Variants in EXOSC4 observed in about 807,000 individuals in gnomAD.
EXOSC4 encodes exosome complex component RRP41.
Under a neutral mutation model 20.0 loss-of-function variants are expected in EXOSC4, and 14 were observed. That is an observed-to-expected ratio of 0.70 (90% confidence interval 0.46 to 1.09). EXOSC4 has a LOEUF of 1.09. Among genes scored for constraint, EXOSC4 ranks in the 50% least tolerant of loss-of-function variants. The pLI is 0.00. For synonymous variants in EXOSC4, 148 were observed against 146.4 expected, an observed-to-expected ratio of 1.01 and a Z score of -0.08; for missense variants, 337 against 334.0, an observed-to-expected ratio of 1.01 and a Z score of -0.07.
At chr8:144,072,410 ACCTCAAATGATCTGCCCGTCTCAG>A in the EXOSC4 span, among the ~76,000 whole-genome samples, 30 of 152,204 alleles carry the variant, frequency 2.0e-4, no homozygotes, top group East Asian at 5.6e-3. Context: ...TGAATGCCTG[ACCTCAAATGATCTGCCCGTCTCAG>A]CCTCCCAAAG....
chr8:144,064,239 T>C, the EXOSC4 span, among the ~76,000 whole-genome samples: 4 of 151,986 alleles, frequency 2.6e-5, no homozygotes, highest in African/African-American at 9.7e-5. Context: ...AGGTGTGTCG[T>C]GGGGGAAGGG....
the EXOSC4 span, among the ~76,000 whole-genome samples, chr8:144,065,789 AT>A: frequency 1.3e-5 from 2 of 149,936 alleles, no homozygotes; most frequent in Non-Finnish European, 3.0e-5. Flanking sequence ...GAGTATTTTT[AT>A]TTTTTTATTT....
At chr8:144,069,285 C>G in the EXOSC4 span, among the ~76,000 whole-genome samples, 1 of 152,224 alleles carries the variant, frequency 6.6e-6, no homozygotes, top group Non-Finnish European at 1.5e-5. Flanking sequence ...CACAGACTTG[C>G]AGGTTTAAAA....
At chr8:144,069,040 C>T in the EXOSC4 span, among the ~76,000 whole-genome samples, 1 of 152,234 alleles carries the variant, frequency 6.6e-6, no homozygotes, top group African/African-American at 2.4e-5. Flanking sequence ...CTGTGGGAAG[C>T]TCAGTGGAGA....
In EXOSC4 at chr8:144,080,200, GGGGA is replaced by G. The variant is rs782788942; in HGVS notation, c.379-36_379-33del. The G allele has an allele frequency of 1.2e-6, 2 of 1,608,504 alleles. No homozygotes were observed. The highest frequency in any genetic ancestry group is 8.5e-7 in the Non-Finnish European group (1 of 1,176,172). ...AGGGAGGGAAGGGTGTGATGGGGTT[GGGGA>G]GGGAGTCTGATAGACTGACACCCTG... On this transcript the variant is annotated intron_variant, in intron 2 of 2. Transcript: ENST00000316052. The surrounding 1 kb of genome is among the most constrained non-coding windows in gnomAD (Gnocchi z 4.9).
chr8:144,066,674 C>T, the EXOSC4 span, among the ~76,000 whole-genome samples: 1 of 151,312 alleles, frequency 6.6e-6, no homozygotes, highest in East Asian at 2.0e-4. Flanking sequence ...AAACTCCTGA[C>T]CTCAGGTGAT....
At chr8:144,076,899 C>T (rs539648040), upstream of EXOSC4, among the ~76,000 whole-genome samples, 20 of 149,874 alleles carry the variant, frequency 1.3e-4, no homozygotes, top group South Asian at 3.5e-3. Flanking sequence ...AACCCCATCT[C>T]TACTAAAACT....
the EXOSC4 span, among the ~76,000 whole-genome samples, chr8:144,067,145 A>C: frequency 2.0e-5 from 3 of 152,188 alleles, no homozygotes; most frequent in Non-Finnish European, 1.5e-5. Context: ...TTCAACTCAC[A>C]CACTCCGAAA....
At chr8:144,067,571 A>G in the EXOSC4 span, among the ~76,000 whole-genome samples, 1 of 152,236 alleles carries the variant, frequency 6.6e-6, no homozygotes, top group Non-Finnish European at 1.5e-5. Flanking sequence ...CCCAAATAAG[A>G]TGAACACCTG....
chr8:144,073,775 C>T (rs1360074488), upstream of EXOSC4, among the ~76,000 whole-genome samples: 5 of 151,884 alleles, frequency 3.3e-5, no homozygotes, highest in South Asian at 2.1e-4. Flanking sequence ...CGCTTGAACA[C>T]GGGAGGCAGA....
chr8:144,077,604 G>C (rs1032895133), upstream of EXOSC4, among the ~76,000 whole-genome samples: 3 of 152,226 alleles, frequency 2.0e-5, no homozygotes, highest in East Asian at 1.9e-4. Context: ...TCCCACTGAA[G>C]GGTGGGGTCC....
chr8:144,068,434 G>A, the EXOSC4 span, among the ~76,000 whole-genome samples: 1 of 152,196 alleles, frequency 6.6e-6, no homozygotes, highest in Non-Finnish European at 1.5e-5. Context: ...TGCCACTTTA[G>A]ACGAACACGC....
upstream of EXOSC4, among the ~76,000 whole-genome samples, chr8:144,074,548 T>C (rs962786983): frequency 6.6e-6 from 1 of 152,130 alleles, no homozygotes; most frequent in Non-Finnish European, 1.5e-5. Context: ...ATTCATTTTT[T>C]TGGGGCGGGG....
At chr8:144,076,824 G>A (rs1210279673), upstream of EXOSC4, among the ~76,000 whole-genome samples, 1 of 152,192 alleles carries the variant, frequency 6.6e-6, no homozygotes, top group Non-Finnish European at 1.5e-5. Context: ...GCGTGGTGGC[G>A]GGAGGCCGAG....
At chr8:144,067,789 C>G in the EXOSC4 span, among the ~76,000 whole-genome samples, 1 of 152,228 alleles carries the variant, frequency 6.6e-6, no homozygotes, top group African/African-American at 2.4e-5. Context: ...GGATGGATCA[C>G]CTGAGGTCAG....
chr8:144,065,690 G>A, the EXOSC4 span, among the ~76,000 whole-genome samples: 6 of 152,118 alleles, frequency 3.9e-5, no homozygotes, highest in South Asian at 8.3e-4. Context: ...AGCTGAGATC[G>A]TGCCACTGCA....
chr8:144,071,243 C>A, the EXOSC4 span, among the ~76,000 whole-genome samples: 1 of 16,548 alleles, frequency 6.0e-5, no homozygotes, highest in Non-Finnish European at 1.2e-4. Flanking sequence ...CCTCCCCCTT[C>A]CCCTCCCCCC....
the EXOSC4 span, among the ~76,000 whole-genome samples, chr8:144,064,980 T>C: frequency 6.6e-6 from 1 of 151,846 alleles, no homozygotes; most frequent in East Asian, 1.9e-4. Flanking sequence ...TAGCTGGGAC[T>C]ACAAGTGCCC....
Position 144,080,244 on chromosome 8 carries a change from G to A in EXOSC4, c.381G>A (p.Val127=), listed in dbSNP as rs781794594. The A allele has an allele frequency of 8.7e-6, 14 of 1,613,062 alleles. No individual in the cohort carries two copies. The highest frequency in any genetic ancestry group is 1.1e-5 in the Non-Finnish European group (13 of 1,179,386). ...PRSQIDIYVQ[V]LQADGGTYAA... is the part of the protein sequence containing the mutation. ...CTGACACCCTGGGTTCCCTGCAGGTGCTACAGGCAGATGGTGGGACCTATG... is the reference window on the plus strand; with the variant it reads ...CTGACACCCTGGGTTCCCTGCAGGTACTACAGGCAGATGGTGGGACCTATG... The change falls in exon 3 of 3, where the codon GTG becomes GTA. Residue 127 remains valine (V), a splice_region_variant and synonymous_variant. Transcript: ENST00000316052. This position sits in a 1 kb window ranked among gnomAD's most constrained non-coding sequence, Gnocchi z 4.9.
Sources: gnomAD v4.1 joint callset for allele counts (sites outside exome capture counted in the v4.1 genomes callset) on GRCh38, gnomAD v4.1.1 for gene constraint, Gnocchi (gnomAD v3.1) non-coding constraint, MANE v1.5 for transcripts, NCBI Gene and HGNC (gene_info 2026-07-23, HGNC 2026-07-21) for gene names.